Variants in PTPRD observed in about 807,000 individuals in gnomAD.
The protein encoded by PTPRD is receptor-type tyrosine-protein phosphatase delta.
Under a neutral mutation model 214.5 loss-of-function variants are expected in PTPRD, and 34 were observed. That is an observed-to-expected ratio of 0.16 (90% confidence interval 0.12 to 0.21). PTPRD has a LOEUF of 0.21. Among genes scored for constraint, PTPRD ranks in the 10% least tolerant of loss-of-function variants. The pLI is 1.00. For missense variants in PTPRD, 2,545 were observed against 2,398.7 expected (o/e 1.06, Z -1.27); for synonymous variants, 1,128 against 845.7 (o/e 1.33, Z -5.79).
At chr9:9,100,297 C>T (rs1437444352) in intron 10 of PTPRD, among the ~76,000 whole-genome samples, 2 of 152,130 alleles carry the variant, frequency 1.3e-5, no homozygotes, top group Non-Finnish European at 2.9e-5. Flanking sequence ...AATATGCCTG[C>T]AACCCTGTAG....
At chr9:9,585,469 T>A (rs1299702925) in intron 7 of PTPRD, among the ~76,000 whole-genome samples, 1 of 152,066 alleles carries the variant, frequency 6.6e-6, no homozygotes, top group African/African-American at 2.4e-5. Flanking sequence ...TCCAAACTTC[T>A]TGGTAGATAT....
At chr9:9,665,576 C>G (rs1323881998) in intron 7 of PTPRD, among the ~76,000 whole-genome samples, 3 of 151,414 alleles carry the variant, frequency 2.0e-5, no homozygotes, top group Non-Finnish European at 4.4e-5. Flanking sequence ...ACTCAGAGTC[C>G]CCCAGTTACA....
intron 3 of PTPRD, among the ~76,000 whole-genome samples, chr9:10,219,479 G>C (rs4741018): frequency 0.76 from 115,544 of 151,392 alleles, 45,322 homozygotes; most frequent in Middle Eastern, 0.87. Flanking sequence ...TCTGATTTAC[G>C]AGCAAAGGAA....
At chr9:9,113,574 T>A (rs913658941) in intron 10 of PTPRD, among the ~76,000 whole-genome samples, 11 of 152,084 alleles carry the variant, frequency 7.2e-5, no homozygotes, top group African/African-American at 2.7e-4. Context: ...TTTTTTGAAG[T>A]GGTGACATCT....
intron 10 of PTPRD, among the ~76,000 whole-genome samples, chr9:9,089,677 T>C (rs1462301386): frequency 6.6e-6 from 1 of 152,184 alleles, no homozygotes; most frequent in Non-Finnish European, 1.5e-5. Flanking sequence ...CAATTTTTCC[T>C]GACTGTTGAT....
intron 2 of PTPRD, among the ~76,000 whole-genome samples, chr9:10,371,771 A>C (rs905809154): frequency 6.6e-6 from 1 of 152,150 alleles, no homozygotes; most frequent in Non-Finnish European, 1.5e-5. Flanking sequence ...TTGGCTGAGC[A>C]TATAAATTTA....
intron 8 of PTPRD, among the ~76,000 whole-genome samples, chr9:9,463,560 C>A (rs142340899): frequency 6.6e-6 from 1 of 152,154 alleles, no homozygotes; most frequent in African/African-American, 2.4e-5. Flanking sequence ...CTATCACCTA[C>A]TTCCTTTAAT....
intron 11 of PTPRD, among the ~76,000 whole-genome samples, chr9:8,981,672 A>T (rs1386409263): frequency 6.6e-6 from 1 of 152,088 alleles, no homozygotes; most frequent in Non-Finnish European, 1.5e-5. Context: ...GGGCACACAG[A>T]ATTCCATTTC....
intron 3 of PTPRD, among the ~76,000 whole-genome samples, chr9:10,058,158 C>G (rs449194): frequency 6.6e-6 from 1 of 152,000 alleles, no homozygotes; most frequent in African/African-American, 2.4e-5. Flanking sequence ...CCATTACCTT[C>G]GTTCTAGTGA....
intron 5 of PTPRD, 68 bp downstream of exon 5, chr9:9,938,439 G>C (rs1026262389): frequency 3.3e-5 from 5 of 152,084 alleles, no homozygotes; most frequent in Non-Finnish European, 5.9e-5. Flanking sequence ...TAATTCTGTA[G>C]ATAGAAGTCC....
rs59554370 is a variant in PTPRD at position 8,467,783 on chromosome 9, TA to T, written c.3505-2109del. On this transcript the variant is annotated intron_variant, in intron 31 of 45. Coordinates refer to ENST00000381196, the MANE Select transcript of PTPRD (RefSeq NM_002839.4). Reference sequence around the variant, plus strand: ...TTCTTGATTCTTTTCATATGCTAATTAAAAAAAATCCGATACCAAATATTTA... The same window carrying T: ...TTCTTGATTCTTTTCATATGCTAATTAAAAAAATCCGATACCAAATATTTA... 3.5e-3 allele frequency among the ~76,000 whole-genome samples: 535 copies of T among 151,610 alleles called. 5 individuals carry two copies. Among genetic ancestry groups the T allele is most frequent in the African/African-American group, 0.012 (487 of 41,374 alleles).
chr9:9,838,718 C>T (rs1020943574), intron 5 of PTPRD, among the ~76,000 whole-genome samples: 8 of 151,936 alleles, frequency 5.3e-5, no homozygotes, highest in African/African-American at 1.9e-4. Context: ...TTTTAGGTTG[C>T]CTGTTCACTC....
chr9:8,344,029 T>G (rs1416979355), intron 39 of PTPRD, among the ~76,000 whole-genome samples: 1 of 152,060 alleles, frequency 6.6e-6, no homozygotes, highest in African/African-American at 2.4e-5. Flanking sequence ...GCTGGTCTCC[T>G]GATATGCCAT....
At chr9:9,194,361 CAT>C (rs2099937006) in intron 9 of PTPRD, among the ~76,000 whole-genome samples, 1 of 152,214 alleles carries the variant, frequency 6.6e-6, no homozygotes, top group African/African-American at 2.4e-5. Context: ...AAACTAGTAA[CAT>C]AGTCGTTTAT....
At chr9:10,126,909 G>A (rs1464718988) in intron 3 of PTPRD, among the ~76,000 whole-genome samples, 1 of 149,020 alleles carries the variant, frequency 6.7e-6, no homozygotes, top group African/African-American at 2.5e-5. Flanking sequence ...CATGTAACCA[G>A]CTCCCAGAAT....
At chr9:10,161,689 C>T (rs1024843456) in intron 3 of PTPRD, among the ~76,000 whole-genome samples, 2 of 151,542 alleles carry the variant, frequency 1.3e-5, no homozygotes, top group Non-Finnish European at 3.0e-5. Context: ...GCCATAATAG[C>T]TGAATGGGAT....
At chr9:8,735,058 G>A (rs1363960187) in intron 11 of PTPRD, among the ~76,000 whole-genome samples, 1 of 152,024 alleles carries the variant, frequency 6.6e-6, no homozygotes, top group Non-Finnish European at 1.5e-5. Flanking sequence ...TAGAACAGAT[G>A]CGTGAGTACT....
chr9:8,543,516 C>T (rs1388386368), intron 14 of PTPRD, among the ~76,000 whole-genome samples: 3 of 152,146 alleles, frequency 2.0e-5, no homozygotes, highest in Non-Finnish European at 4.4e-5. Flanking sequence ...CCACTGATCC[C>T]TAATATAACC....
intron 10 of PTPRD, among the ~76,000 whole-genome samples, chr9:9,082,267 G>A (rs959987567): frequency 2.0e-5 from 3 of 152,050 alleles, no homozygotes; most frequent in Non-Finnish European, 2.9e-5. Flanking sequence ...CCACGACCAA[G>A]TTAGCTTCAT....
Sources: gnomAD v4.1 joint callset for allele counts (sites outside exome capture counted in the v4.1 genomes callset) on GRCh38, gnomAD v4.1.1 for gene constraint, MANE v1.5 for transcripts, NCBI Gene and HGNC (gene_info 2026-07-23, HGNC 2026-07-21) for gene names.